Variants in APBB2 observed in about 807,000 individuals in gnomAD.
The protein encoded by APBB2 is Fe65-like 1.
APBB2 carries 38 observed loss-of-function variants against 82.5 expected under a neutral mutation model. The observed-to-expected ratio is 0.46, with a 90% CI of 0.36 to 0.60. The LOEUF is 0.60. APBB2 is among the 20% of genes least tolerant of loss of function. The pLI is 0.00. For synonymous variants in APBB2, 341 were observed against 368.2 expected (o/e 0.93, Z 0.85); for missense variants, 772 against 972.3 (o/e 0.79, Z 2.74).
intron 12 of APBB2, chr4:40,881,528 C>CTTTTCTTTTTTTTTTTTTTTTTTTT (rs1553952936): frequency 6.5e-6 from 1 of 154,430 alleles, no homozygotes. Flanking sequence ...CTTTTCTTTT[C>CTTTTCTTTTTTTTTTTTTTTTTTTT]TTTTTCTTTT....
chr4:40,982,270 GAA>G (rs1798833827), intron 6 of APBB2, among the ~76,000 whole-genome samples: 3 of 34,360 alleles, frequency 8.7e-5, no homozygotes, highest in African/African-American at 3.9e-4. Context: ...AAGAAAGAAA[GAA>G]AGAAAGAAAG....
At chr4:40,920,518 CCCA>C (rs1187841344) in intron 10 of APBB2, among the ~76,000 whole-genome samples, 2 of 152,140 alleles carry the variant, frequency 1.3e-5, no homozygotes, top group Admixed American at 6.5e-5. Context: ...GAACAGAACT[CCCA>C]CCACAACAAC....
At chr4:40,989,524 A>C (rs1801420406) in intron 6 of APBB2, among the ~76,000 whole-genome samples, 1 of 122,644 alleles carries the variant, frequency 8.2e-6, no homozygotes, top group Admixed American at 8.4e-5. Context: ...GTAGAAGGAG[A>C]AACTACATTT....
chr4:40,930,454 CGCGCGCGCGCGCGTGCGCGT>C (rs1422899605), intron 10 of APBB2, among the ~76,000 whole-genome samples: 1,593 of 103,472 alleles, frequency 0.015, 17 homozygotes, highest in African/African-American at 0.067. Context: ...TGTGTGCGCG[CGCGCGCGCGCGCGTGCGCGT>C]GCGCGTATGC....
intron 2 of APBB2, among the ~76,000 whole-genome samples, chr4:41,116,153 T>G (rs1750904210): frequency 6.6e-6 from 1 of 152,206 alleles, no homozygotes; most frequent in South Asian, 2.1e-4. Context: ...GATGAGTTCA[T>G]GTCTTTTGCA....
At chr4:41,186,102 G>C (rs901517436) in intron 1 of APBB2, among the ~76,000 whole-genome samples, 1 of 152,160 alleles carries the variant, frequency 6.6e-6, no homozygotes, top group African/African-American at 2.4e-5. Flanking sequence ...CCATAAATAT[G>C]AATAACAGAG....
At chr4:40,992,046 C>A (rs6824724) in intron 6 of APBB2, among the ~76,000 whole-genome samples, 64,095 of 152,030 alleles carry the variant, frequency 0.42, 14,001 homozygotes, top group East Asian at 0.67. Context: ...AGAGTGAAAA[C>A]TGTTAAGGCT....
chr4:41,107,158 A>C (rs1747569767), intron 2 of APBB2, among the ~76,000 whole-genome samples: 1 of 152,100 alleles, frequency 6.6e-6, no homozygotes, highest in Non-Finnish European at 1.5e-5. Flanking sequence ...AAAAAATACA[A>C]AAATTAGCCA....
intron 6 of APBB2, among the ~76,000 whole-genome samples, chr4:40,995,548 ATT>A (rs58607232): frequency 1.5e-4 from 21 of 142,614 alleles, no homozygotes; most frequent in African/African-American, 4.9e-4. Flanking sequence ...AAAAAAAAAA[ATT>A]TTTTTTTTTT....
At chr4:41,136,088 T>C (rs1303184547) in intron 2 of APBB2, among the ~76,000 whole-genome samples, 1 of 152,330 alleles carries the variant, frequency 6.6e-6, no homozygotes, top group African/African-American at 2.4e-5. Flanking sequence ...AATGTAATTG[T>C]ACTACAACTC....
intron 12 of APBB2, chr4:40,881,476 CAA>C (rs1254075736): frequency 3.4e-5 from 19 of 564,092 alleles, no homozygotes; most frequent in East Asian, 1.5e-4. Context: ...AGCTCAAAAA[CAA>C]AAGAGACCCA....
chr4:41,056,168 T>A (rs10805159), intron 4 of APBB2, among the ~76,000 whole-genome samples: 8 of 152,058 alleles, frequency 5.3e-5, no homozygotes, highest in Middle Eastern at 3.2e-3. Context: ...CAACAAGAGC[T>A]AAACTCCATC....
chr4:41,049,323 G>A (rs1156414578), intron 4 of APBB2, among the ~76,000 whole-genome samples: 3 of 94,660 alleles, frequency 3.2e-5, no homozygotes, highest in Non-Finnish European at 4.3e-5. Context: ...CCGCCCCGTC[G>A]GAGAAGTGAG....
intron 4 of APBB2, among the ~76,000 whole-genome samples, chr4:41,038,022 G>A (rs1444964183): frequency 1.3e-5 from 2 of 152,142 alleles, no homozygotes; most frequent in Non-Finnish European, 2.9e-5. Context: ...TTGGGGCAAA[G>A]CATAAAGCTA....
chr4:40,931,331 AGC>A (rs1784184169), intron 10 of APBB2, among the ~76,000 whole-genome samples: 1 of 152,160 alleles, frequency 6.6e-6, no homozygotes, highest in Non-Finnish European at 1.5e-5. Context: ...TCTCATGGAC[AGC>A]AGTGCCTCGA....
At position 40,814,894 on chromosome 4, in the gene APBB2, A is replaced by C. The variant is rs993216427; in HGVS notation, c.*1198T>G. On this transcript the variant is annotated 3_prime_UTR_variant, in exon 18 of 18. Transcript: ENST00000508593. ...AAATCTTCAAAGTAAAATGGAAAAA[A>C]TATAAATTAAAAAATATATCTAGTT... 2.0e-5 allele frequency: 3 copies of C among 151,862 alleles called. No homozygotes were observed. Among genetic ancestry groups the C allele is most frequent in the Non-Finnish European group, 4.4e-5 (3 of 68,034 alleles). 9.4% of individuals were successfully genotyped at this position (151,862 alleles called of 1,614,324 possible).
chr4:40,827,239 G>T lies in APBB2; in HGVS notation c.1645-20C>A. On this transcript the variant is annotated intron_variant, in intron 13 of 17. Coordinates refer to ENST00000508593, the MANE Select transcript of APBB2 (RefSeq NM_004307.2). ...CATAATCTAAGGGGGAAAAAGTGCA[G>T]CTTTGGAGCGTGGGTTCAAGCCCCC... 1 of 1,611,664 alleles carries T rather than the reference G, an allele frequency of 6.2e-7. No homozygotes were observed. Among genetic ancestry groups the T allele is most frequent in the Non-Finnish European group, 8.5e-7 (1 of 1,177,788 alleles).
chr4:41,017,058 G>A (rs953564739), intron 5 of APBB2, among the ~76,000 whole-genome samples: 2 of 151,834 alleles, frequency 1.3e-5, no homozygotes, highest in African/African-American at 4.8e-5. Flanking sequence ...ACCACACCTG[G>A]CTAATTTTTT....
intron 12 of APBB2, among the ~76,000 whole-genome samples, chr4:40,850,079 T>A (rs1758850992): frequency 6.6e-6 from 1 of 152,222 alleles, no homozygotes; most frequent in East Asian, 1.9e-4. Context: ...CATTTTTCCT[T>A]TTTTGTTGAA....
Sources: allele counts gnomAD v4.1 joint callset (sites outside exome capture counted in the v4.1 genomes callset), GRCh38; gene constraint gnomAD v4.1.1; transcripts MANE v1.5; gene names NCBI Gene and HGNC (gene_info 2026-07-23, HGNC 2026-07-21).